NTM: variants seen among roughly 807,000 people sequenced by gnomAD.
NTM encodes IgLON family member 2.
NTM carries 13 observed loss-of-function variants against 42.1 expected under a neutral mutation model. That is an observed-to-expected ratio of 0.31 (90% confidence interval 0.20 to 0.49). The LOEUF is 0.49. Among genes scored for constraint, NTM ranks in the 20% least tolerant of loss-of-function variants. The pLI is 0.99. For synonymous variants in NTM, 187 were observed against 179.2 expected, an observed-to-expected ratio of 1.04 and a Z score of -0.35; for missense variants, 373 against 452.8, an observed-to-expected ratio of 0.82 and a Z score of 1.60.
At chr11:132,045,147 C>T (rs1047231738) in intron 2 of NTM, among the ~76,000 whole-genome samples, 1 of 152,200 alleles carries the variant, frequency 6.6e-6, no homozygotes, top group Non-Finnish European at 1.5e-5. Flanking sequence ...GTTAGTGTTT[C>T]ATATCAGGCT....
chr11:131,581,566 AG>A (rs2058413449), intron 1 of NTM, among the ~76,000 whole-genome samples: 2 of 152,190 alleles, frequency 1.3e-5, no homozygotes, highest in Admixed American at 6.5e-5. Context: ...GGCCTTTTTA[AG>A]GGGTACTTTA....
intron 2 of NTM, among the ~76,000 whole-genome samples, chr11:132,079,975 A>T (rs1395849691): frequency 6.6e-6 from 1 of 152,136 alleles, no homozygotes; most frequent in Non-Finnish European, 1.5e-5. Flanking sequence ...ACATTTTCTC[A>T]TGGGCTCTAA....
chr11:131,999,449 A>G lies in NTM; in HGVS notation c.167+87801A>G, dbSNP rs184565456. On this transcript the variant is annotated intron_variant, in intron 2 of 8. Transcript: ENST00000683400. ...CAGTTTGGGGTAAGAAAGGAAGAAA[A>G]GAAGGTACTGTCAAGCTGTGGGTTA... 1.4e-4 allele frequency among the ~76,000 whole-genome samples: 21 copies of G among 152,312 alleles called. No individual in the cohort carries two copies. In the East Asian group the frequency reaches 3.9e-3, roughly 28 times the overall value.
intron 1 of NTM, chr11:131,605,943 G>A (rs2060914215): frequency 6.5e-6 from 6 of 917,014 alleles, no homozygotes; most frequent in South Asian, 5.0e-5. Context: ...ATTTAAAATT[G>A]TAAATATTCT....
In NTM at chr11:131,428,772, C is replaced by T. The variant is rs375183015; in HGVS notation, c.82+57884C>T. On this transcript the variant is annotated intron_variant, in intron 1 of 8. Coordinates refer to ENST00000683400, the MANE Select transcript of NTM (RefSeq NM_001352005.2). ...AATAAATTCTGGGGGTGATGGCTCA[C>T]GCCTATAATCCCAGCACTTTGGGAG... Among the ~76,000 whole-genome samples the T allele has an allele frequency of 1.2e-3, 181 of 151,630 alleles. 1 individual carries two copies. Among genetic ancestry groups the T allele is most frequent in the African/African-American group, 3.5e-3 (145 of 41,314 alleles).
chr11:132,006,861 C>T (rs1360932238), intron 2 of NTM, among the ~76,000 whole-genome samples: 1 of 152,252 alleles, frequency 6.6e-6, no homozygotes, highest in African/African-American at 2.4e-5. Flanking sequence ...GTGCCACTTC[C>T]TGAGCACTTC....
At chr11:131,493,042 C>T (rs1954960889) in intron 1 of NTM, among the ~76,000 whole-genome samples, 1 of 151,480 alleles carries the variant, frequency 6.6e-6, no homozygotes, top group Non-Finnish European at 1.5e-5. Flanking sequence ...ACACGGTGAA[C>T]CTCGTCACTA....
intron 1 of NTM, among the ~76,000 whole-genome samples, chr11:131,644,748 T>G (rs1479747733): frequency 6.6e-6 from 1 of 150,398 alleles, no homozygotes; most frequent in Non-Finnish European, 1.5e-5. Context: ...TTAAGAAGAT[T>G]GAAAGATACA....
intron 2 of NTM, among the ~76,000 whole-genome samples, chr11:132,108,312 C>T (rs2062679113): frequency 6.6e-6 from 1 of 152,174 alleles, no homozygotes; most frequent in Admixed American, 6.5e-5. Context: ...TCTTGACTTT[C>T]CCTTGATACT....
At chr11:132,294,030 A>G (rs1488407579) in intron 4 of NTM, among the ~76,000 whole-genome samples, 1 of 152,192 alleles carries the variant, frequency 6.6e-6, no homozygotes, top group Admixed American at 6.5e-5. Flanking sequence ...TCAAAGCACC[A>G]TGGGATGCTA....
intron 1 of NTM, among the ~76,000 whole-genome samples, chr11:131,414,984 T>A (rs1391881117): frequency 6.6e-6 from 1 of 152,138 alleles, no homozygotes; most frequent in Admixed American, 6.5e-5. Context: ...TGCTTCTGAC[T>A]CCTAGTGTGA....
At chr11:131,943,640 T>C (rs2134246476) in intron 2 of NTM, among the ~76,000 whole-genome samples, 1 of 152,350 alleles carries the variant, frequency 6.6e-6, no homozygotes, top group Admixed American at 6.5e-5. Context: ...CTACCCTCAG[T>C]TCCACCTATC....
chr11:131,633,756 C>T (rs1166630131), intron 1 of NTM, among the ~76,000 whole-genome samples: 13 of 38,496 alleles, frequency 3.4e-4, no homozygotes, highest in Non-Finnish European at 4.3e-4. Context: ...TCTCTCCCTC[C>T]CTCTCTCTCC....
At chr11:131,885,899 C>T (rs991169865) in intron 1 of NTM, among the ~76,000 whole-genome samples, 9 of 152,122 alleles carry the variant, frequency 5.9e-5, no homozygotes, top group Non-Finnish European at 8.8e-5. Context: ...CAGCAAGGTA[C>T]GAGAAAGTGG....
intron 2 of NTM, among the ~76,000 whole-genome samples, chr11:132,123,053 C>T (rs10894508): frequency 0.19 from 28,274 of 152,100 alleles, 2,801 homozygotes; most frequent in East Asian, 0.26. Flanking sequence ...TTCCTATCTT[C>T]TCTTCTGTGC....
chr11:132,279,820 G>T (rs1247081110), intron 4 of NTM, among the ~76,000 whole-genome samples: 3 of 152,040 alleles, frequency 2.0e-5, no homozygotes, highest in Non-Finnish European at 2.9e-5. Flanking sequence ...CATTTCCTTT[G>T]CATACCTTCC....
chr11:131,766,582 C>T (rs546190358), intron 1 of NTM, among the ~76,000 whole-genome samples: 5 of 152,126 alleles, frequency 3.3e-5, no homozygotes, highest in South Asian at 2.1e-4. Context: ...CAGGCCCCCC[C>T]CTTCTGCTGA....
chr11:132,121,147 C>T (rs993883473), intron 2 of NTM, among the ~76,000 whole-genome samples: 1 of 152,060 alleles, frequency 6.6e-6, no homozygotes, highest in African/African-American at 2.4e-5. Context: ...AGGGTTTCAC[C>T]GCAGGAGCCT....
At chr11:131,419,171 C>A (rs762906352) in intron 1 of NTM, among the ~76,000 whole-genome samples, 5 of 152,058 alleles carry the variant, frequency 3.3e-5, no homozygotes, top group Non-Finnish European at 7.4e-5. Context: ...AACAAACAAA[C>A]AAACAAACAA....
Sources: allele counts gnomAD v4.1 joint callset (sites outside exome capture counted in the v4.1 genomes callset), GRCh38; gene constraint gnomAD v4.1.1; transcripts MANE v1.5; gene names NCBI Gene and HGNC (gene_info 2026-07-23, HGNC 2026-07-21).